The following CLIC5 variants were observed in gnomAD, a reference collection of about 807,000 sequenced individuals.
The protein encoded by CLIC5 is chloride intracellular channel protein 5.
A neutral mutation model predicts 24.7 loss-of-function variants in CLIC5; 20 were observed. The ratio of observed to expected loss-of-function variants is 0.81; its 90% CI spans 0.57 to 1.18. The LOEUF (loss-of-function observed/expected upper bound fraction) is 1.18. CLIC5 is among the 50% of genes most tolerant of loss of function. The pLI is 0.00. For missense variants in CLIC5, 341 were observed against 326.1 expected, an observed-to-expected ratio of 1.05 and a Z score of -0.35; for synonymous variants, 159 against 135.6, an observed-to-expected ratio of 1.17 and a Z score of -1.20.
intron 4 of CLIC5, among the ~76,000 whole-genome samples, chr6:45,922,773 C>A (rs1245413913): frequency 6.7e-6 from 1 of 148,670 alleles, no homozygotes; most frequent in Non-Finnish European, 1.5e-5. Flanking sequence ...ATGTAAGCTG[C>A]CTGAATGTTT....
rs755019638 is a variant in CLIC5 at position 45,955,225 on chromosome 6, C to T, written c.83G>A (p.Ser28Asn). 3 of 1,613,814 alleles carry T rather than the reference C, an allele frequency of 1.9e-6. No homozygotes were observed. Among genetic ancestry groups the T allele is most frequent in the Admixed American group, 1.7e-5 (1 of 60,006 alleles). The change falls in exon 2 of 6, where the codon AGC (serine) becomes AAC (asparagine). Residue 28 changes from serine (S) to asparagine (N), a missense_variant. Physicochemically the swap from Ser to Asn is conservative, Grantham distance 46. Transcript: ENST00000339561. ...CTGAGAGAAAGGACAGTTGCCGATG[C>T]TTTCTCCATCGATTCCAGCCTGGAA... is the stretch of plus-strand genomic sequence containing the variant. ...LFVKAGIDGESIGNCPFSQRL... is the reference protein window; with the variant it reads ...LFVKAGIDGENIGNCPFSQRL...
chr6:45,986,818 C>T (rs1267846506), intron 1 of CLIC5, among the ~76,000 whole-genome samples: 1 of 152,176 alleles, frequency 6.6e-6, no homozygotes, highest in Non-Finnish European at 1.5e-5. Flanking sequence ...AGCTAAACCA[C>T]TTGTGGGGTC....
intron 1 of CLIC5, among the ~76,000 whole-genome samples, chr6:46,002,539 A>G (rs1766400548): frequency 6.6e-6 from 1 of 152,080 alleles, no homozygotes; most frequent in African/African-American, 2.4e-5. Context: ...GGTCTCTCTT[A>G]CCCACTTCCT....
chr6:46,021,918 T>C (rs922873636), intron 1 of CLIC5, among the ~76,000 whole-genome samples: 3 of 152,244 alleles, frequency 2.0e-5, no homozygotes, highest in African/African-American at 7.2e-5. Flanking sequence ...GAATTTTCTG[T>C]ATGCAAATTT....
At chr6:46,090,006 A>G in the CLIC5 span, among the ~76,000 whole-genome samples, 5 of 152,198 alleles carry the variant, frequency 3.3e-5, no homozygotes, top group Non-Finnish European at 5.9e-5. Flanking sequence ...TGTTTGTAAT[A>G]AGATTAGGGT....
intron 1 of CLIC5, among the ~76,000 whole-genome samples, chr6:46,055,909 G>T (rs938155014): frequency 2.0e-5 from 3 of 152,184 alleles, no homozygotes; most frequent in African/African-American, 7.2e-5. Context: ...AAGTAAAGTG[G>T]TTATTGGCTG....
At chr6:45,961,229 C>T (rs1001170915) in intron 1 of CLIC5, among the ~76,000 whole-genome samples, 3 of 152,144 alleles carry the variant, frequency 2.0e-5, no homozygotes, top group South Asian at 2.1e-4. Flanking sequence ...TTGTTGCTGT[C>T]GCCCATGAAA....
In CLIC5 at chr6:45,988,258, A is replaced by C. The variant is rs138736654; in HGVS notation, c.63+27222T>G. 1.5e-3 allele frequency among the ~76,000 whole-genome samples: 222 copies of C among 152,358 alleles called. 1 individual carries two copies. The highest frequency in any genetic ancestry group is 2.2e-3 in the Non-Finnish European group (150 of 68,028). ...GTCCCAAGCAAGTCCAAAACCTAGCAAGGCAAATTTTATTAGATCTTAAGG... is the reference window on the plus strand; with the variant it reads ...GTCCCAAGCAAGTCCAAAACCTAGCCAGGCAAATTTTATTAGATCTTAAGG... On this transcript the variant is annotated intron_variant, in intron 1 of 5. Transcript: ENST00000339561.
At chr6:45,950,381 C>T (rs1224186184) in intron 2 of CLIC5, among the ~76,000 whole-genome samples, 1 of 149,776 alleles carries the variant, frequency 6.7e-6, no homozygotes, top group Non-Finnish European at 1.5e-5. Flanking sequence ...GGCAACATAG[C>T]AAGACCCCCA....
chr6:45,897,315 C>T (rs1277979741), downstream of CLIC5, among the ~76,000 whole-genome samples: 1 of 152,196 alleles, frequency 6.6e-6, no homozygotes, highest in African/African-American at 2.4e-5. Flanking sequence ...CAGGAGCCCA[C>T]TTTGAAACCA....
intron 5 of CLIC5, chr6:45,912,431 G>A: frequency 8.6e-7 from 1 of 1,165,330 alleles, no homozygotes; most frequent in Non-Finnish European, 1.1e-6. Context: ...AGGCTTGGGA[G>A]ATTCATTTGT....
upstream of CLIC5, among the ~76,000 whole-genome samples, chr6:46,016,776 T>C (rs968093885): frequency 2.0e-5 from 3 of 152,194 alleles, no homozygotes; most frequent in African/African-American, 7.2e-5. Context: ...GTCTCCACTG[T>C]CCCAGGGTAA....
intron 1 of CLIC5, among the ~76,000 whole-genome samples, chr6:46,006,428 G>A (rs1766585994): frequency 6.6e-6 from 1 of 151,628 alleles, no homozygotes; most frequent in African/African-American, 2.4e-5. Flanking sequence ...ACAGATGTGA[G>A]CCACTGCGCC....
At chr6:45,962,440 T>A (rs753002997) in intron 1 of CLIC5, among the ~76,000 whole-genome samples, 1 of 146,582 alleles carries the variant, frequency 6.8e-6, no homozygotes, top group African/African-American at 2.6e-5. Context: ...TAAAGGGCAA[T>A]CTGCTTTACT....
In CLIC5 at chr6:45,995,154, G is replaced by A. The variant is rs1766088604; in HGVS notation, c.63+20326C>T. Among the ~76,000 whole-genome samples the A allele has an allele frequency of 9.2e-5, 14 of 152,268 alleles. 1 individual carries two copies. In the South Asian group the frequency reaches 2.9e-3, roughly 32 times the overall value. On this transcript the variant is annotated intron_variant, in intron 1 of 5. Transcript: ENST00000339561. ...CTCCTTAGGAGAGATGATAGGTTAG[G>A]AACATGTATAAGCTGTGTGGCCTTG...
At chr6:46,069,911 G>C (rs1762546744) in intron 1 of CLIC5, among the ~76,000 whole-genome samples, 1 of 152,090 alleles carries the variant, frequency 6.6e-6, no homozygotes, top group Non-Finnish European at 1.5e-5. Flanking sequence ...TGCAAGGTTG[G>C]TTCAACATAT....
At chr6:46,103,319 G>A in the CLIC5 span, among the ~76,000 whole-genome samples, 1 of 152,232 alleles carries the variant, frequency 6.6e-6, no homozygotes, top group East Asian at 1.9e-4. Context: ...GACATACTTC[G>A]AGGTGGGGTG....
chr6:45,994,700 C>A (rs1270181275), intron 1 of CLIC5, among the ~76,000 whole-genome samples: 1 of 152,142 alleles, frequency 6.6e-6, no homozygotes, highest in Non-Finnish European at 1.5e-5. Flanking sequence ...TAAATCTGGG[C>A]AAGTAAAGGA....
intron 4 of CLIC5, among the ~76,000 whole-genome samples, chr6:45,922,936 G>A (rs1048691839): frequency 5.9e-5 from 9 of 152,018 alleles, no homozygotes; most frequent in East Asian, 1.9e-4. Flanking sequence ...TAGGGAACCC[G>A]GCCCAGACTT....
Sources: allele counts gnomAD v4.1 joint callset (sites outside exome capture counted in the v4.1 genomes callset), GRCh38; gene constraint gnomAD v4.1.1; transcripts MANE v1.5; gene names NCBI Gene and HGNC (gene_info 2026-07-23, HGNC 2026-07-21).